Variants in F13A1 observed in about 807,000 individuals in gnomAD.
F13A1 encodes the protein FSF, A subunit.
Under a neutral mutation model 80.1 loss-of-function variants are expected in F13A1, and 47 were observed. That is an observed-to-expected ratio of 0.59 (90% CI 0.46 to 0.75). The LOEUF (loss-of-function observed/expected upper bound fraction) is 0.75, where lower values mean the gene tolerates loss of function less well. F13A1 is among the 30% of genes least tolerant of loss of function. F13A1 has a pLI of 0.00. For synonymous variants in F13A1, 349 were observed against 344.9 expected (o/e 1.01, Z -0.13); for missense variants, 817 against 930.4 (o/e 0.88, Z 1.59).
At chr6:6,197,148 A>G in intron 9 of F13A1, 75 bp downstream of exon 9, 1 of 1,429,426 alleles carries the variant, frequency 7.0e-7, no homozygotes, top group Non-Finnish European at 9.8e-7. Flanking sequence ...TGGTTCCCAC[A>G]CATCAAATGC....
At chr6:6,192,884 A>G (rs1423877804) in intron 10 of F13A1, among the ~76,000 whole-genome samples, 1 of 152,144 alleles carries the variant, frequency 6.6e-6, no homozygotes, top group Non-Finnish European at 1.5e-5. Context: ...AGAAGTTAGG[A>G]CAGAAGAGAG....
At chr6:6,291,444 A>G (rs1348870458) in intron 3 of F13A1, among the ~76,000 whole-genome samples, 1 of 152,008 alleles carries the variant, frequency 6.6e-6, no homozygotes, top group East Asian at 1.9e-4. Flanking sequence ...CCTCTCCTTC[A>G]AATTTCTTTA....
At chr6:6,251,694 G>C (rs1039110483) in intron 4 of F13A1, among the ~76,000 whole-genome samples, 1 of 152,094 alleles carries the variant, frequency 6.6e-6, no homozygotes, top group Non-Finnish European at 1.5e-5. Flanking sequence ...GCATCTAAGC[G>C]TTTTTACACG....
chr6:6,208,159 A>G (rs1252087967), intron 8 of F13A1, among the ~76,000 whole-genome samples: 1 of 152,202 alleles, frequency 6.6e-6, no homozygotes, highest in Non-Finnish European at 1.5e-5. Context: ...TGAGAATTAT[A>G]TCTCATCAAA....
chr6:6,207,068 T>C (rs1251353592), intron 8 of F13A1, among the ~76,000 whole-genome samples: 2 of 151,834 alleles, frequency 1.3e-5, no homozygotes, highest in African/African-American at 2.4e-5. Flanking sequence ...CAAACAACAA[T>C]CTGAGGGGCA....
chr6:6,318,427 T>G, intron 2 of F13A1, 108 bp downstream of exon 2: 1 of 1,353,776 alleles, frequency 7.4e-7, no homozygotes, highest in Non-Finnish European at 9.9e-7. Context: ...GGGGCTTCCT[T>G]TTGTGGGAAC....
chr6:6,195,704 T>G, intron 10 of F13A1, 93 bp downstream of exon 10: 1 of 1,166,116 alleles, frequency 8.6e-7, no homozygotes. Context: ...GCTATGTACC[T>G]GGAAAACTTA....
intron 6 of F13A1, among the ~76,000 whole-genome samples, chr6:6,247,901 C>G (rs982542921): frequency 4.6e-5 from 7 of 152,210 alleles, no homozygotes; most frequent in Admixed American, 1.3e-4. Flanking sequence ...CATTTCTTCA[C>G]TCTTACTATC....
intron 8 of F13A1, among the ~76,000 whole-genome samples, chr6:6,203,869 C>A (rs1192309188): frequency 6.6e-6 from 1 of 152,208 alleles, no homozygotes. Context: ...ATAGATACTT[C>A]TTACTTTGGT....
chr6:6,174,479 G>C (rs1265801922), intron 12 of F13A1, 101 bp downstream of exon 12: 3 of 1,289,038 alleles, frequency 2.3e-6, no homozygotes, highest in East Asian at 2.3e-5. Context: ...GATCTTGGAG[G>C]GAACTTTAAC....
intron 3 of F13A1, 114 bp from the exon 4 acceptor site, chr6:6,266,923 A>C (rs1293567293): frequency 6.9e-7 from 1 of 1,453,332 alleles, no homozygotes; most frequent in Non-Finnish European, 9.6e-7. Context: ...ATTATTCTTG[A>C]CTTGAAGAAA....
intron 3 of F13A1, among the ~76,000 whole-genome samples, chr6:6,289,877 T>C (rs1450231030): frequency 3.9e-5 from 6 of 152,186 alleles, no homozygotes; most frequent in African/African-American, 1.2e-4. Context: ...ATTCGTTTTT[T>C]GAGACCCGCC....
At chr6:6,261,236 G>A (rs1016870249) in intron 4 of F13A1, among the ~76,000 whole-genome samples, 2 of 152,182 alleles carry the variant, frequency 1.3e-5, no homozygotes, top group Admixed American at 1.3e-4. Flanking sequence ...CGAAGTGCTG[G>A]GATTACAGGC....
rs187866666 is a variant in F13A1, at chr6:6,212,434, G to A, written c.1112+9599C>T. On this transcript the variant is annotated intron_variant, in intron 8 of 14. Coordinates refer to ENST00000264870, the MANE Select transcript of F13A1 (RefSeq NM_000129.4). ...GCAGGGGCACACTGACACCTCACAC[G>A]GCCGGGTACTCCAACAGATCTGCAG... 2.0e-5 allele frequency among the ~76,000 whole-genome samples: 3 copies of A among 152,288 alleles called. No homozygotes were observed. In the East Asian group the frequency reaches 5.8e-4, roughly 29 times the overall value.
intron 6 of F13A1, among the ~76,000 whole-genome samples, chr6:6,246,477 TACCCCTTAAC>T (rs1757556548): frequency 6.6e-6 from 1 of 152,230 alleles, no homozygotes; most frequent in African/African-American, 2.4e-5. Context: ...TCAGGACCTC[TACCCCTTAAC>T]ACCCAAATTC....
chr6:6,190,548 T>G, intron 10 of F13A1, among the ~76,000 whole-genome samples: 1 of 151,094 alleles, frequency 6.6e-6, no homozygotes. Context: ...GGGTCAGGGG[T>G]CAGGGACCCA....
At chr6:6,159,545 G>C (rs1760537332) in intron 13 of F13A1, among the ~76,000 whole-genome samples, 1 of 152,178 alleles carries the variant, frequency 6.6e-6, no homozygotes. Context: ...GTGGCTCCAT[G>C]CCAGGCTGCA....
At chr6:6,249,857 A>G (rs781389184) in intron 5 of F13A1, among the ~76,000 whole-genome samples, 1 of 152,196 alleles carries the variant, frequency 6.6e-6, no homozygotes, top group Non-Finnish European at 1.5e-5. Flanking sequence ...GCTTGGCAGG[A>G]CATTAGAAAT....
rs1381826136 is a variant in F13A1 at position 6,286,428 on chromosome 6, C to T, written c.319+18923G>A. Among the ~76,000 whole-genome samples, 4 of 152,214 alleles carry T rather than the reference C, an allele frequency of 2.6e-5. No individual in the cohort carries two copies. The East Asian group carries it at 5.8e-4, about 22-fold the overall frequency. On this transcript the variant is annotated intron_variant, in intron 3 of 14. Transcript: ENST00000264870. ...CCCTAAGTCAAAGTCAAACTGTACA[C>T]TTGTCTTTCAAGTTACCCACTTGGC...
Sources: gnomAD v4.1 joint callset for allele counts (sites outside exome capture counted in the v4.1 genomes callset) on GRCh38, gnomAD v4.1.1 for gene constraint, MANE v1.5 for transcripts, NCBI Gene and HGNC (gene_info 2026-07-23, HGNC 2026-07-21) for gene names.